The following EPB41 variants were observed in gnomAD, a reference collection of about 807,000 sequenced individuals.
EPB41 encodes the protein protein 4.1.
A neutral mutation model predicts 108.0 loss-of-function variants in EPB41; 65 were observed. The ratio of observed to expected loss-of-function variants is 0.60; its 90% CI spans 0.49 to 0.74. The LOEUF (loss-of-function observed/expected upper bound fraction) is 0.74, where lower values mean the gene tolerates loss of function less well. Among genes scored for constraint, EPB41 ranks in the 30% least tolerant of loss-of-function variants. The probability of loss-of-function intolerance (pLI) is 0.00; values close to 1 mark genes in which losing one functional copy is unlikely to be tolerated. For synonymous variants in EPB41, 336 were observed against 358.9 expected, an observed-to-expected ratio of 0.94 and a Z score of 0.72; for missense variants, 875 against 1,037.0, an observed-to-expected ratio of 0.84 and a Z score of 2.15.
intron 7 of EPB41, among the ~76,000 whole-genome samples, chr1:29,022,249 TA>T (rs2096655254): frequency 6.6e-6 from 1 of 151,592 alleles, no homozygotes; most frequent in Non-Finnish European, 1.5e-5. Context: ...CATGCACAGG[TA>T]AAAGATCCAT....
intron 1 of EPB41, among the ~76,000 whole-genome samples, chr1:28,899,453 G>C (rs999478618): frequency 2.0e-5 from 3 of 152,050 alleles, no homozygotes; most frequent in Non-Finnish European, 4.4e-5. Context: ...CCCTTTCCTG[G>C]GACATTCTAG....
chr1:29,056,670 T>C (rs1314298346), intron 12 of EPB41, among the ~76,000 whole-genome samples: 1 of 152,034 alleles, frequency 6.6e-6, no homozygotes, highest in Non-Finnish European at 1.5e-5. Context: ...GGATTACAGG[T>C]GCCCGCCACC....
Position 29,023,196 on chromosome 1 carries a change from T to G in EPB41, c.1124+4754T>G, listed in dbSNP as rs2096669324. 2.6e-5 allele frequency among the ~76,000 whole-genome samples: 4 copies of G among 151,838 alleles called. No individual in the cohort carries two copies. The South Asian group carries it at 6.2e-4, about 24-fold the overall frequency. On this transcript the variant is annotated intron_variant, in intron 7 of 20. Coordinates refer to ENST00000343067, the MANE Select transcript of EPB41 (RefSeq NM_001376013.1). ...TTTTAGCAGAGACAGGGTTTCACCA[T>G]GTTGGCCAGGCTGGTCCTGAACTCC...
rs112957720 is a variant in EPB41 at position 28,887,312 on chromosome 1, C to T, written c.-8+102C>T. The T allele has an allele frequency of 9.3e-5, 112 of 1,207,400 alleles. 1 individual carries two copies. The South Asian group carries it at 1.5e-3, about 17-fold the overall frequency. 74.8% of individuals were successfully genotyped at this position (1,207,400 alleles called of 1,614,324 possible). A position where few individuals can be genotyped will look rare whatever the true frequency, so the allele number is the denominator to read the frequency against. On this transcript the variant is annotated intron_variant, in intron 1 of 16. Coordinates refer to the EPB41 transcript ENST00000347529. This position sits in a 1 kb window ranked among gnomAD's most constrained non-coding sequence, Gnocchi z 4.9. Reference sequence around the variant, plus strand: ...AGGGCTCGGACCGTCCCGGGAGAGGCGAGACCAGGGTCGAAGGGTCCAGGG... The same window carrying T: ...AGGGCTCGGACCGTCCCGGGAGAGGTGAGACCAGGGTCGAAGGGTCCAGGG...
intron 1 of EPB41, among the ~76,000 whole-genome samples, chr1:28,960,475 C>G (rs1478047030): frequency 6.6e-6 from 1 of 150,996 alleles, no homozygotes; most frequent in Non-Finnish European, 1.5e-5. Context: ...TGCCTGTAAT[C>G]CCAGCACTTT....
intron 1 of EPB41, among the ~76,000 whole-genome samples, chr1:28,963,344 CGTGTGTGTGTGTGTGTGTGT>C (rs57558766): frequency 1.4e-5 from 2 of 146,322 alleles, no homozygotes; most frequent in East Asian, 2.1e-4. Context: ...AAATCAGAAT[CGTGTGTGTGTGTGTGTGTGT>C]GTGTGTGTGT....
chr1:29,009,632 CAGTT>C (rs1389485055), intron 4 of EPB41, among the ~76,000 whole-genome samples: 9 of 152,280 alleles, frequency 5.9e-5, no homozygotes, highest in South Asian at 2.1e-4. Flanking sequence ...TCATGAAACT[CAGTT>C]GGTGCTTTTA....
At chr1:28,966,344 C>T (rs1345062739) in intron 1 of EPB41, among the ~76,000 whole-genome samples, 3 of 152,122 alleles carry the variant, frequency 2.0e-5, no homozygotes, top group Non-Finnish European at 4.4e-5. Flanking sequence ...CCAGATGACT[C>T]GTTCACATCT....
intron 16 of EPB41, among the ~76,000 whole-genome samples, chr1:29,081,783 T>C (rs1326007694): frequency 2.7e-5 from 4 of 146,800 alleles, no homozygotes; most frequent in Non-Finnish European, 5.9e-5. Flanking sequence ...TGCAGTAAGC[T>C]GAGATCACAC....
chr1:29,087,009 A>G (rs551929270), intron 16 of EPB41, among the ~76,000 whole-genome samples: 16 of 145,084 alleles, frequency 1.1e-4, no homozygotes, highest in South Asian at 4.4e-4. Flanking sequence ...CAGTGGCACA[A>G]TCTTGGCTCA....
At chr1:28,904,168 C>CTTTTTT (rs533536807) in intron 1 of EPB41, among the ~76,000 whole-genome samples, 1 of 132,216 alleles carries the variant, frequency 7.6e-6, no homozygotes, top group Non-Finnish European at 1.6e-5. Flanking sequence ...CCCGGCCCAG[C>CTTTTTT]TTTTTTTTTT....
chr1:29,063,483 C>T lies in EPB41; in HGVS notation c.2008-1499C>T, dbSNP rs554702441. Among the ~76,000 whole-genome samples, 4 of 152,218 alleles carry T rather than the reference C, an allele frequency of 2.6e-5. No homozygotes were observed. The South Asian group carries it at 6.2e-4, about 24-fold the overall frequency. On this transcript the variant is annotated intron_variant, in intron 15 of 20. Transcript: ENST00000343067. ...GAATGAATATCTACAGAATCAAAAT[C>T]GTCTCACTGATTATTCTTCTTATGC...
intron 15 of EPB41, among the ~76,000 whole-genome samples, chr1:29,063,913 T>C (rs775419628): frequency 5.9e-5 from 9 of 152,168 alleles, no homozygotes; most frequent in Non-Finnish European, 1.2e-4. Context: ...TTGAAAGTTG[T>C]TATATACCTC....
chr1:29,002,292 A>G (rs2096309533), intron 4 of EPB41, among the ~76,000 whole-genome samples: 1 of 152,030 alleles, frequency 6.6e-6, no homozygotes, highest in Non-Finnish European at 1.5e-5. Context: ...TCTACCAAAA[A>G]TGAAAAAATA....
At chr1:29,094,811 G>A (rs1662615324) in intron 16 of EPB41, among the ~76,000 whole-genome samples, 1 of 152,024 alleles carries the variant, frequency 6.6e-6, no homozygotes, top group African/African-American at 2.4e-5. Flanking sequence ...TCTTCCATGT[G>A]CAGTGGTCCC....
chr1:29,069,483 T>A, intron 16 of EPB41: 1 of 1,190,114 alleles, frequency 8.4e-7, no homozygotes, highest in Non-Finnish European at 1.0e-6. Context: ...AGGGACATTA[T>A]AAACTTTTAT....
Position 28,896,037 on chromosome 1 carries a change from C to G in EPB41, c.-8+8827C>G, listed in dbSNP as rs572011313. On this transcript the variant is annotated intron_variant, in intron 1 of 16. Coordinates refer to the EPB41 transcript ENST00000347529. ...GACAGCTTGGCACTTGAGGGTCAGACAGGCCTGACTTTGCATCTTGCATCT... is the reference window on the plus strand; with the variant it reads ...GACAGCTTGGCACTTGAGGGTCAGAGAGGCCTGACTTTGCATCTTGCATCT... Among the ~76,000 whole-genome samples the G allele has an allele frequency of 5.9e-5, 9 of 152,316 alleles. No individual in the cohort carries two copies. The East Asian group carries it at 1.7e-3, about 29-fold the overall frequency.
Position 29,030,570 on chromosome 1 carries a change from G to C in EPB41, c.1212+83G>C, listed in dbSNP as rs1008483617. 1.0e-5 allele frequency: 11 copies of C among 1,053,052 alleles called. No individual in the cohort carries two copies. In the East Asian group the frequency reaches 2.6e-4, roughly 25 times the overall value. The allele number at this position is 1,053,052 out of a possible 1,614,324, so 65.2% of individuals were successfully genotyped here. A position where few individuals can be genotyped will look rare whatever the true frequency, so the allele number is the denominator to read the frequency against. On this transcript the variant is annotated intron_variant, in intron 8 of 20. Transcript: ENST00000343067. ...TCTGTTATGTATGTATCACATCTGT[G>C]TCATATAATACTTTTTAACAACATC... is the stretch of plus-strand genomic sequence containing the variant.
At chr1:28,947,643 A>G (rs1216389674) in intron 1 of EPB41, among the ~76,000 whole-genome samples, 1 of 151,300 alleles carries the variant, frequency 6.6e-6, no homozygotes, top group East Asian at 2.0e-4. Flanking sequence ...TGTGGCCAAC[A>G]TGATGAAACC....
Sources: allele counts gnomAD v4.1 joint callset (sites outside exome capture counted in the v4.1 genomes callset), GRCh38; gene constraint gnomAD v4.1.1; non-coding constraint Gnocchi (gnomAD v3.1); transcripts MANE v1.5; gene names NCBI Gene and HGNC (gene_info 2026-07-23, HGNC 2026-07-21).